IGF1: variants seen among roughly 807,000 people sequenced by gnomAD.
IGF1 encodes the protein insulin-like growth factor 1.
Under a neutral mutation model 13.8 loss-of-function variants are expected in IGF1, and 4 were observed. That is an observed-to-expected ratio of 0.29 (90% CI 0.14 to 0.66). IGF1 has a LOEUF of 0.66. Ranked by LOEUF, IGF1 falls within the 30% of genes least tolerant of loss-of-function variation. The pLI, the probability that IGF1 is intolerant of heterozygous loss-of-function variation, is 0.78. For missense variants in IGF1, 124 were observed against 188.5 expected, an observed-to-expected ratio of 0.66 and a Z score of 2.00; for synonymous variants, 76 against 72.6, an observed-to-expected ratio of 1.05 and a Z score of -0.23.
chr12:102,435,138 A>T (rs536279308), intron 2 of IGF1, among the ~76,000 whole-genome samples: 1 of 152,236 alleles, frequency 6.6e-6, no homozygotes, highest in Non-Finnish European at 1.5e-5. Flanking sequence ...AGAAAAGTGC[A>T]TAGGTTACAT....
intron 2 of IGF1, among the ~76,000 whole-genome samples, chr12:102,424,289 G>A (rs753262087): frequency 2.0e-5 from 3 of 149,538 alleles, no homozygotes; most frequent in East Asian, 1.9e-4. Context: ...CAATTAACCT[G>A]GATTTTAAGG....
At chr12:102,419,746 C>A in intron 2 of IGF1, 56 bp from the exon 3 acceptor site, 1 of 1,566,506 alleles carries the variant, frequency 6.4e-7, no homozygotes, top group South Asian at 1.1e-5. Flanking sequence ...TTTCTTCAGT[C>A]TTCCACCCAG....
At chr12:102,405,538 G>A (rs185664067) in intron 3 of IGF1, among the ~76,000 whole-genome samples, 155 of 152,190 alleles carry the variant, frequency 1.0e-3, no homozygotes, top group African/African-American at 3.5e-3. Context: ...GATCAAACCC[G>A]CAAAATAGAT....
rs187048855 is a variant in IGF1, at chr12:102,447,897, G to T, written c.220+27746C>A. On this transcript the variant is annotated intron_variant, in intron 2 of 3. Transcript: ENST00000337514. ...CCTGACTAAAACACCAATAGCAATG[G>T]CAAGAAAAGCCAAAACTGACAAATG... 2.1e-4 allele frequency among the ~76,000 whole-genome samples: 32 copies of T among 152,274 alleles called. No individual in the cohort carries two copies. In the East Asian group the frequency reaches 2.5e-3, roughly 12 times the overall value.
chr12:102,478,555 A>G, intron 1 of IGF1: 1 of 1,603,062 alleles, frequency 6.2e-7, no homozygotes, highest in African/African-American at 1.3e-5. Context: ...TATGAGGCCG[A>G]TGTGAATAGA....
intron 1 of IGF1, among the ~76,000 whole-genome samples, chr12:102,476,817 C>CA (rs1451768246): frequency 1.3e-5 from 2 of 152,202 alleles, no homozygotes; most frequent in Admixed American, 1.3e-4. Flanking sequence ...CCAAAAGCAG[C>CA]AGTCCTGTGG....
intron 2 of IGF1, among the ~76,000 whole-genome samples, chr12:102,442,127 T>C (rs190754634): frequency 1.3e-4 from 19 of 151,974 alleles, no homozygotes; most frequent in Admixed American, 1.0e-3. Context: ...TTTTTGATTA[T>C]TTGTAGAGAC....
intron 3 of IGF1, chr12:102,415,580 T>TTCCTTCCTTCCG (rs1875059664): frequency 7.4e-6 from 1 of 135,930 alleles, no homozygotes; most frequent in African/African-American, 2.8e-5. Flanking sequence ...CCTTCCTTCC[T>TTCCTTCCTTCCG]TCCTTCCTTC....
At chr12:102,455,757 A>G (rs1427815712) in intron 2 of IGF1, among the ~76,000 whole-genome samples, 3 of 152,168 alleles carry the variant, frequency 2.0e-5, no homozygotes, top group Non-Finnish European at 4.4e-5. Flanking sequence ...CCAGTAGAGG[A>G]CTGAGGCACC....
chr12:102,448,965 T>A (rs1878645068), intron 2 of IGF1, among the ~76,000 whole-genome samples: 1 of 152,176 alleles, frequency 6.6e-6, no homozygotes, highest in African/African-American at 2.4e-5. Context: ...GTAAATTAGT[T>A]CAACCATTGT....
chr12:102,421,707 T>C (rs1260552150), intron 2 of IGF1, among the ~76,000 whole-genome samples: 1 of 152,210 alleles, frequency 6.6e-6, no homozygotes, highest in Non-Finnish European at 1.5e-5. Context: ...CCAGAAACTT[T>C]CAAAGTTAGC....
chr12:102,478,725 A>T (rs778954481), intron 1 of IGF1: 23 of 1,171,194 alleles, frequency 2.0e-5, no homozygotes, highest in Non-Finnish European at 2.6e-5. Flanking sequence ...ATTTAAGTCA[A>T]TCTTTTCCCC....
At chr12:102,426,305 G>T (rs1439594086) in intron 2 of IGF1, among the ~76,000 whole-genome samples, 4 of 152,206 alleles carry the variant, frequency 2.6e-5, no homozygotes, top group African/African-American at 9.6e-5. Flanking sequence ...CCCAGGACTG[G>T]CATGAAGATT....
intron 2 of IGF1, among the ~76,000 whole-genome samples, chr12:102,447,669 T>G (rs573857237): frequency 6.6e-6 from 1 of 152,340 alleles, no homozygotes; most frequent in South Asian, 2.1e-4. Context: ...CTTGACTCTA[T>G]CCTATTTGCC....
chr12:102,468,505 C>T (rs1880475518), intron 2 of IGF1, among the ~76,000 whole-genome samples: 1 of 152,234 alleles, frequency 6.6e-6, no homozygotes, highest in Non-Finnish European at 1.5e-5. Context: ...TGAGACTAAA[C>T]AATGCATTAA....
intron 2 of IGF1, among the ~76,000 whole-genome samples, chr12:102,441,955 C>CTTCTTCTTCTTCTTCTTCTTCTTT (rs1555244164): frequency 2.9e-5 from 4 of 139,978 alleles, no homozygotes; most frequent in Non-Finnish European, 6.2e-5. Context: ...TCTTCTTCTT[C>CTTCTTCTTCTTCTTCTTCTTCTTT]TTTTTTTTTT....
In IGF1 at chr12:102,458,730, C is replaced by CAAAAAAAA. The variant is rs397825972; in HGVS notation, c.220+16905_220+16912dup. Reference sequence around the variant, plus strand: ...TTAAGCAGATGGTAGGAACACTGACCAAAAAAAAAAAAAAAAACCAAAAAC... The same window carrying CAAAAAAAA: ...TTAAGCAGATGGTAGGAACACTGACCAAAAAAAAAAAAAAAAAAAAAAAAACCAAAAAC... On this transcript the variant is annotated intron_variant, in intron 2 of 3. Coordinates refer to ENST00000337514, the MANE Select transcript of IGF1 (RefSeq NM_000618.5). 1.3e-3 allele frequency among the ~76,000 whole-genome samples: 97 copies of CAAAAAAAA among 73,428 alleles called. 16 individuals are homozygous for CAAAAAAAA. Among genetic ancestry groups the CAAAAAAAA allele is most frequent in the East Asian group, 0.011 (21 of 1,962 alleles). 48.2% of individuals were successfully genotyped at this position (73,428 alleles called of 152,430 possible).
At chr12:102,478,472 T>A (rs1222438038) in intron 1 of IGF1, 1 of 1,586,864 alleles carries the variant, frequency 6.3e-7, no homozygotes, top group Non-Finnish European at 8.6e-7. Context: ...GCAACAGTCA[T>A]AAGAAAATAC....
chr12:102,416,427 A>G (rs564447419), intron 3 of IGF1, among the ~76,000 whole-genome samples: 1 of 152,374 alleles, frequency 6.6e-6, no homozygotes, highest in South Asian at 2.1e-4. Flanking sequence ...AGGGAAATCC[A>G]GCACTTTTGC....
Sources: allele counts gnomAD v4.1 joint callset (sites outside exome capture counted in the v4.1 genomes callset), GRCh38; gene constraint gnomAD v4.1.1; transcripts MANE v1.5; gene names NCBI Gene and HGNC (gene_info 2026-07-23, HGNC 2026-07-21).